Variants in GBP4 observed in about 807,000 individuals in gnomAD.
GBP4 encodes the protein guanylate binding protein 4.
In GBP4, 69 loss-of-function variants were observed where a neutral mutation model predicts 62.2. That is an observed-to-expected ratio of 1.11 (90% CI 0.91 to 1.36). The LOEUF is 1.36. GBP4 is among the 40% of genes most tolerant of loss of function. The probability of loss-of-function intolerance (pLI) is 0.00; values close to 1 mark genes in which losing one functional copy is unlikely to be tolerated. For missense variants in GBP4, 697 were observed against 759.3 expected, an observed-to-expected ratio of 0.92 and a Z score of 0.96; for synonymous variants, 278 against 274.6, an observed-to-expected ratio of 1.01 and a Z score of -0.12.
At chr1:89,191,530 C>T (rs749151690) in intron 5 of GBP4, 24 bp from the exon 6 acceptor site, 6 of 1,603,034 alleles carry the variant, frequency 3.7e-6, no homozygotes, top group Admixed American at 1.7e-5. Flanking sequence ...AAAAAGAGGG[C>T]TCATTGAAGA....
At chr1:89,193,987 G>T (rs1648260862) in intron 3 of GBP4, among the ~76,000 whole-genome samples, 1 of 152,198 alleles carries the variant, frequency 6.6e-6, no homozygotes, top group African/African-American at 2.4e-5. Context: ...ACATAAATGT[G>T]AATAGTTACT....
rs762849400 is a variant in GBP4, at chr1:89,193,102, T to C, written c.474-2A>G. The C allele has an allele frequency of 6.2e-7, 1 of 1,613,814 alleles. No homozygotes were observed. Among genetic ancestry groups the C allele is most frequent in the Admixed American group, 1.7e-5 (1 of 60,014 alleles). On this transcript the variant is annotated splice_acceptor_variant, in intron 4 of 10. Coordinates refer to ENST00000355754, the MANE Select transcript of GBP4 (RefSeq NM_052941.5). LOFTEE classifies it high-confidence loss of function. ...AGCTCTGCTAGCTCAGTCACATAGC[T>C]GGGATCTCAGCTAAGGAAGGATAGC...
At chr1:89,192,773 C>T (rs1570376257) in intron 5 of GBP4, 131 bp downstream of exon 5, 1 of 768,554 alleles carries the variant, frequency 1.3e-6, no homozygotes, top group Non-Finnish European at 1.9e-6. Flanking sequence ...TTGTCAATCA[C>T]CAACCACCAT....
intron 5 of GBP4, 89 bp from the exon 6 acceptor site, chr1:89,191,595 C>A: frequency 7.9e-7 from 1 of 1,264,336 alleles, no homozygotes; most frequent in Non-Finnish European, 1.1e-6. Context: ...TGCATCCCTG[C>A]AGCTCCCCTG....
rs868263356 is a variant in GBP4 at position 89,191,089 on chromosome 1, C to A, written c.916+172G>T. On this transcript the variant is annotated intron_variant, in intron 6 of 10. Transcript: ENST00000355754. ...GACATATTAGGCCTCAAGAAAGTTT[C>A]ACATGAGTAAACTTTAATTAAGAAA... 1.6e-4 allele frequency among the ~76,000 whole-genome samples: 25 copies of A among 152,248 alleles called. 1 individual carries two copies. Among genetic ancestry groups the A allele is most frequent in the Middle Eastern group, 6.8e-3 (2 of 294 alleles).
At position 89,193,013 on chromosome 1, in the gene GBP4, G is replaced by T. The variant is rs1557475548; in HGVS notation, c.561C>A (p.Phe187Leu). ...EAEDSSEFASFFPDFIWTVRD... is the reference protein window; with the variant it reads ...EAEDSSEFASLFPDFIWTVRD... Reference sequence around the variant, plus strand: ...GAACAGTCCAAATAAAGTCTGGAAAGAAACTCGCAAACTCGCTGGAGTCCT... The same window carrying T: ...GAACAGTCCAAATAAAGTCTGGAAATAAACTCGCAAACTCGCTGGAGTCCT... The change falls in exon 5 of 11, where the codon TTC becomes TTA. Residue 187 changes from phenylalanine (F) to leucine (L), a missense_variant. This residue lies in a region of GBP4 where 556 missense variants were observed against 562.7 expected (regional missense o/e 0.99). Transcript: ENST00000355754. The T allele has an allele frequency of 1.9e-6, 3 of 1,614,178 alleles. No homozygotes were observed. The East Asian group carries it at 6.7e-5, about 36-fold the overall frequency.
chr1:89,181,630 AATGT>A lies in GBP4; in HGVS notation c.*3620_*3623del, dbSNP rs1647883573. On this transcript the variant is annotated 3_prime_UTR_variant, in exon 11 of 11. Coordinates refer to ENST00000355754, the MANE Select transcript of GBP4 (RefSeq NM_052941.5). ...ACCCAATAGTAGAATTGCTAGACAAAATGTATGTACATTAAAATTTTGATATACA... is the reference window on the plus strand; with the variant it reads ...ACCCAATAGTAGAATTGCTAGACAAAATGTACATTAAAATTTTGATATACA... The A allele has an allele frequency of 1.3e-5, 2 of 152,128 alleles. No individual in the cohort carries two copies. Among genetic ancestry groups the A allele is most frequent in the Admixed American group, 6.5e-5 (1 of 15,278 alleles). The allele number at this position is 152,128 out of a possible 1,614,324, so 9.4% of individuals were successfully genotyped here. A position where few individuals can be genotyped will look rare whatever the true frequency, so the allele number is the denominator to read the frequency against.
chr1:89,198,722 T>C, intron 1 of GBP4, 73 bp downstream of exon 1: 1 of 1,326,056 alleles, frequency 7.5e-7, no homozygotes, highest in Non-Finnish European at 1.1e-6. Context: ...GTGTGCAGTC[T>C]GCGCTTGGGA....
intron 10 of GBP4, among the ~76,000 whole-genome samples, chr1:89,185,935 C>T (rs892489776): frequency 6.6e-6 from 1 of 152,186 alleles, no homozygotes; most frequent in Non-Finnish European, 1.5e-5. Flanking sequence ...AATTTGTGAT[C>T]TTTCAGTATC....
At chr1:89,196,180 A>G (rs544846825) in intron 2 of GBP4, among the ~76,000 whole-genome samples, 15 of 152,336 alleles carry the variant, frequency 9.8e-5, no homozygotes, top group African/African-American at 3.6e-4. Flanking sequence ...GAAAAATACC[A>G]ATTTTCAACA....
In GBP4 at chr1:89,193,098, T is replaced by C. The variant is rs1648233169; in HGVS notation, c.476A>G (p.Tyr159Cys). The change falls in exon 5 of 11, where the codon TAT becomes TGT. Residue 159 changes from tyrosine to cysteine, a missense_variant and splice_region_variant. Around this residue, in one of 2 missense-constraint regions of GBP4, gnomAD observed 556 missense variants for 562.7 expected, o/e 0.99. Transcript: ENST00000355754. ...GATTAGCTCTGCTAGCTCAGTCACATAGCTGGGATCTCAGCTAAGGAAGGA... is the reference window on the plus strand; with the variant it reads ...GATTAGCTCTGCTAGCTCAGTCACACAGCTGGGATCTCAGCTAAGGAAGGA... ...INHQALEQLHYVTELAELIRA... is the reference protein window; with the variant it reads ...INHQALEQLHCVTELAELIRA... The C allele has an allele frequency of 3.7e-6, 6 of 1,613,790 alleles. No individual in the cohort carries two copies. In the Admixed American group the frequency reaches 6.7e-5, roughly 18 times the overall value.
At chr1:89,189,682 T>C (rs1648128469) in intron 7 of GBP4, among the ~76,000 whole-genome samples, 1 of 152,188 alleles carries the variant, frequency 6.6e-6, no homozygotes, top group Non-Finnish European at 1.5e-5. Flanking sequence ...GATGGATGGG[T>C]TTACCCAGAG....
rs757189488 is a variant in GBP4 at position 89,188,787 on chromosome 1, A to G, written c.1205T>C (p.Ile402Thr). The change falls in exon 8 of 11, where the codon ATA (isoleucine) becomes ACA (threonine). Residue 402 changes from isoleucine to threonine, a missense_variant. Coordinates refer to ENST00000355754, the MANE Select transcript of GBP4 (RefSeq NM_052941.5). ...CACAAAGTCTCCCTTCTTTTTCTCT[A>G]TGGTGTCCTGCCAGAAAAATGTAGA... ...HEFQKKLVDT[I>T]EKKKGDFVLQ... The G allele has an allele frequency of 1.7e-5, 28 of 1,614,038 alleles. No homozygotes were observed. The Admixed American group carries it at 4.0e-4, about 23-fold the overall frequency.
At chr1:89,191,183 T>C in intron 6 of GBP4, 78 bp downstream of exon 6, 1 of 1,502,516 alleles carries the variant, frequency 6.7e-7, no homozygotes, top group South Asian at 1.3e-5. Flanking sequence ...ACAATATTAT[T>C]GAAAAACTTG....
At chr1:89,188,488 C>T (rs1398682368) in intron 8 of GBP4, 94 bp downstream of exon 8, 7 of 999,060 alleles carry the variant, frequency 7.0e-6, no homozygotes, top group African/African-American at 3.2e-5. Context: ...GCTTCCTCTC[C>T]ACAAATGGTG....
At chr1:89,190,725 G>T (rs1199310362) in intron 6 of GBP4, among the ~76,000 whole-genome samples, 1 of 151,808 alleles carries the variant, frequency 6.6e-6, no homozygotes. Context: ...AAGGGAACTT[G>T]CATTTTTATT....
intron 5 of GBP4, among the ~76,000 whole-genome samples, chr1:89,192,123 C>G (rs948812444): frequency 1.3e-5 from 2 of 152,172 alleles, no homozygotes; most frequent in Non-Finnish European, 2.9e-5. Context: ...TACATTAGGT[C>G]TCACATTGTC....
At position 89,192,846 on chromosome 1, in the gene GBP4, G is replaced by A; in HGVS notation, c.670+58C>T. On this transcript the variant is annotated intron_variant, in intron 5 of 10. Coordinates refer to ENST00000355754, the MANE Select transcript of GBP4 (RefSeq NM_052941.5). ...ATTTGTGTCAGGTGCTGAATAGCAG[G>A]TCTTAGTTGATCCTACCCCCCACTG... 5 of 1,515,646 alleles carry A rather than the reference G, an allele frequency of 3.3e-6. No individual in the cohort carries two copies. In the South Asian group the frequency reaches 6.0e-5, roughly 18 times the overall value. The allele number at this position is 1,515,646 out of a possible 1,614,324, so 93.9% of individuals were successfully genotyped here. A position where few individuals can be genotyped will look rare whatever the true frequency, so the allele number is the denominator to read the frequency against.
chr1:89,188,536 C>A, intron 8 of GBP4, 46 bp downstream of exon 8: 5 of 1,492,628 alleles, frequency 3.3e-6, no homozygotes, highest in Non-Finnish European at 4.7e-6. Flanking sequence ...AACAAAAACC[C>A]TCTGACTATC....
Sources: allele counts gnomAD v4.1 joint callset (sites outside exome capture counted in the v4.1 genomes callset), GRCh38; gene constraint gnomAD v4.1.1; regional missense constraint gnomAD v4.1.1; transcripts MANE v1.5; gene names NCBI Gene and HGNC (gene_info 2026-07-23, HGNC 2026-07-21).